SETBP1: variants seen among roughly 807,000 people sequenced by gnomAD.
The protein encoded by SETBP1 is SET binding protein 1.
A neutral mutation model predicts 101.0 loss-of-function variants in SETBP1; 9 were observed. The observed-to-expected ratio is 0.09, with a 90% CI of 0.05 to 0.16. SETBP1 has a LOEUF of 0.16. Among genes scored for constraint, SETBP1 ranks in the 10% least tolerant of loss-of-function variants. The pLI is 1.00. For synonymous variants in SETBP1, 818 were observed against 788.5 expected, an observed-to-expected ratio of 1.04 and a Z score of -0.63; for missense variants, 1,858 against 2,033.8, an observed-to-expected ratio of 0.91 and a Z score of 1.66.
chr18:45,002,733 C>T (rs1331129093), intron 4 of SETBP1, among the ~76,000 whole-genome samples: 1 of 152,200 alleles, frequency 6.6e-6, no homozygotes, highest in Non-Finnish European at 1.5e-5. Flanking sequence ...ACTTCAGCAA[C>T]TCTCTCATCT....
chr18:44,697,535 G>C (rs2069040499), intron 1 of SETBP1, among the ~76,000 whole-genome samples: 2 of 152,194 alleles, frequency 1.3e-5, no homozygotes, highest in African/African-American at 4.8e-5. Flanking sequence ...GCTGTCAGAG[G>C]GCGAAGCCAT....
chr18:45,029,078 T>A (rs2073234049), intron 4 of SETBP1, among the ~76,000 whole-genome samples: 1 of 152,244 alleles, frequency 6.6e-6, no homozygotes. Context: ...AGACATGAAG[T>A]CCTTGCCCAT....
intron 5 of SETBP1, among the ~76,000 whole-genome samples, chr18:45,039,216 AG>A (rs2145497984): frequency 6.6e-6 from 1 of 152,266 alleles, no homozygotes; most frequent in African/African-American, 2.4e-5. Flanking sequence ...TGAATTTCTC[AG>A]TAGTTCCCAG....
chr18:44,842,089 C>T (rs561152898), intron 2 of SETBP1, among the ~76,000 whole-genome samples: 3 of 152,054 alleles, frequency 2.0e-5, no homozygotes, highest in Non-Finnish European at 2.9e-5. Context: ...TTTTATTGTT[C>T]GGTAAAGAGA....
At chr18:44,831,416 A>T (rs180745566) in intron 2 of SETBP1, among the ~76,000 whole-genome samples, 8 of 152,262 alleles carry the variant, frequency 5.3e-5, no homozygotes, top group Admixed American at 5.2e-4. Context: ...AACATTGCTG[A>T]CCTTTTCTTC....
At chr18:45,017,173 A>C (rs1599452805) in intron 4 of SETBP1, among the ~76,000 whole-genome samples, 1 of 152,242 alleles carries the variant, frequency 6.6e-6, no homozygotes, top group Admixed American at 6.5e-5. Context: ...CCAGTGCTCC[A>C]GGCTTTGGAG....
chr18:45,037,031 C>G (rs16978253), intron 4 of SETBP1, among the ~76,000 whole-genome samples: 19,405 of 152,152 alleles, frequency 0.13, 1,869 homozygotes, highest in African/African-American at 0.27. Context: ...TGCTTCACAG[C>G]GTTGCCACGA....
chr18:45,058,948 G>A (rs1001552854), intron 5 of SETBP1, among the ~76,000 whole-genome samples: 1 of 152,164 alleles, frequency 6.6e-6, no homozygotes, highest in African/African-American at 2.4e-5. Flanking sequence ...CCTTCACGGG[G>A]AACATCTCCT....
intron 4 of SETBP1, among the ~76,000 whole-genome samples, chr18:45,034,292 A>G (rs1340442237): frequency 6.6e-6 from 1 of 152,230 alleles, no homozygotes; most frequent in Non-Finnish European, 1.5e-5. Context: ...CCTGGCCGCT[A>G]GATGCAGCGC....
intron 2 of SETBP1, among the ~76,000 whole-genome samples, chr18:44,788,120 G>A (rs1343384068): frequency 6.6e-6 from 1 of 151,554 alleles, no homozygotes. Flanking sequence ...GTGATTGAAA[G>A]AAGTTCATCC....
intron 2 of SETBP1, among the ~76,000 whole-genome samples, chr18:44,709,479 C>T (rs535508667): frequency 3.9e-5 from 6 of 152,322 alleles, no homozygotes; most frequent in Admixed American, 2.0e-4. Context: ...AAGACTTAAC[C>T]TCTTGAAACG....
chr18:44,693,123 T>C (rs2068961395), intron 1 of SETBP1, among the ~76,000 whole-genome samples: 4 of 152,144 alleles, frequency 2.6e-5, no homozygotes. Flanking sequence ...GATTTACCAG[T>C]GTTGTGGAGC....
intron 4 of SETBP1, among the ~76,000 whole-genome samples, chr18:45,018,704 G>A (rs141807439): frequency 6.6e-6 from 1 of 152,292 alleles, no homozygotes; most frequent in Non-Finnish European, 1.5e-5. Flanking sequence ...ACAGACAGGG[G>A]ATCTAAGGCT....
intron 4 of SETBP1, among the ~76,000 whole-genome samples, chr18:44,963,899 C>CAAAAAAAAAAA (rs59077847): frequency 2.4e-5 from 1 of 41,636 alleles, no homozygotes; most frequent in African/African-American, 1.1e-4. Flanking sequence ...GACCCCATCT[C>CAAAAAAAAAAA]AAAAAAAAAA....
chr18:44,906,345 A>G (rs1448227791), intron 3 of SETBP1, among the ~76,000 whole-genome samples: 1 of 152,192 alleles, frequency 6.6e-6, no homozygotes, highest in Non-Finnish European at 1.5e-5. Flanking sequence ...TAAAGTGACT[A>G]GCACCTACTC....
chr18:44,947,602 G>A lies in SETBP1; in HGVS notation c.541-2279G>A, dbSNP rs934698868. 4.0e-5 allele frequency among the ~76,000 whole-genome samples: 6 copies of A among 151,802 alleles called. No individual in the cohort carries two copies. The South Asian group carries it at 1.2e-3, about 32-fold the overall frequency. On this transcript the variant is annotated intron_variant, in intron 3 of 5. Transcript: ENST00000649279. Reference sequence around the variant, plus strand: ...GCTCACCACAACCTCTACTTCCCGGGTTCAAGTGATTCTCCTGCCTCAGCC... The same window carrying A: ...GCTCACCACAACCTCTACTTCCCGGATTCAAGTGATTCTCCTGCCTCAGCC...
intron 2 of SETBP1, among the ~76,000 whole-genome samples, chr18:44,713,149 G>A (rs1055049887): frequency 4.6e-5 from 7 of 151,874 alleles, no homozygotes; most frequent in East Asian, 1.9e-4. Flanking sequence ...TAGTAGAGAC[G>A]GGGTTTCACC....
At chr18:45,055,585 T>A (rs2073795635) in intron 5 of SETBP1, among the ~76,000 whole-genome samples, 1 of 152,198 alleles carries the variant, frequency 6.6e-6, no homozygotes, top group Non-Finnish European at 1.5e-5. Context: ...TTGTGATAAG[T>A]AATTTAAAGT....
At chr18:44,979,840 C>T (rs2145229646) in intron 4 of SETBP1, among the ~76,000 whole-genome samples, 1 of 152,352 alleles carries the variant, frequency 6.6e-6, no homozygotes, top group South Asian at 2.1e-4. Flanking sequence ...AGAGCAGAAA[C>T]ATGTGACTGT....
Sources: allele counts gnomAD v4.1 joint callset (sites outside exome capture counted in the v4.1 genomes callset), GRCh38; gene constraint gnomAD v4.1.1; transcripts MANE v1.5; gene names NCBI Gene and HGNC (gene_info 2026-07-23, HGNC 2026-07-21).